Variants in C12orf42 observed in about 807,000 individuals in gnomAD.
C12orf42 encodes the protein uncharacterized protein C12orf42.
C12orf42 carries 25 observed loss-of-function variants against 21.6 expected under a neutral mutation model. The ratio of observed to expected loss-of-function variants is 1.16; its 90% CI spans 0.84 to 1.62. The LOEUF (loss-of-function observed/expected upper bound fraction) is 1.62, where lower values mean the gene tolerates loss of function less well. Ranked by LOEUF, C12orf42 falls within the 40% of genes most tolerant of loss-of-function variation. The pLI is 0.00. For synonymous variants in C12orf42, 174 were observed against 175.0 expected, an observed-to-expected ratio of 0.99 and a Z score of 0.05; for missense variants, 483 against 459.3, an observed-to-expected ratio of 1.05 and a Z score of -0.47.
At chr12:103,263,853 A>T (rs185251807), downstream of C12orf42, among the ~76,000 whole-genome samples, 1 of 152,256 alleles carries the variant, frequency 6.6e-6, no homozygotes, top group East Asian at 1.9e-4. Context: ...TGCTTCATCA[A>T]TATATACACC....
intron 4 of C12orf42, among the ~76,000 whole-genome samples, chr12:103,327,741 C>A (rs1014273482): frequency 6.6e-6 from 1 of 152,074 alleles, no homozygotes; most frequent in African/African-American, 2.4e-5. Context: ...AGTATGCAAG[C>A]CATATTGTTA....
chr12:103,443,223 G>A (rs1402763084), intron 2 of C12orf42, among the ~76,000 whole-genome samples: 1 of 152,118 alleles, frequency 6.6e-6, no homozygotes, highest in African/African-American at 2.4e-5. Flanking sequence ...ACAAGTGCCA[G>A]AAATTTTATG....
chr12:103,415,766 A>G (rs2049265079), intron 2 of C12orf42, among the ~76,000 whole-genome samples: 1 of 152,178 alleles, frequency 6.6e-6, no homozygotes, highest in Non-Finnish European at 1.5e-5. Context: ...AGACTGTAAG[A>G]TATTCATAAT....
At chr12:103,509,456 T>A in the C12orf42 span, among the ~76,000 whole-genome samples, 29 of 151,574 alleles carry the variant, frequency 1.9e-4, no homozygotes, top group African/African-American at 6.8e-4. Context: ...TTAAACAACA[T>A]CCAAAAAAAG....
chr12:103,139,631 C>CA, the C12orf42 span, among the ~76,000 whole-genome samples: 1 of 152,060 alleles, frequency 6.6e-6, no homozygotes, highest in African/African-American at 2.4e-5. Context: ...GAAGCAGCAT[C>CA]AATACACAGA....
At chr12:103,114,015 T>C in the C12orf42 span, among the ~76,000 whole-genome samples, 1 of 152,236 alleles carries the variant, frequency 6.6e-6, no homozygotes, top group Non-Finnish European at 1.5e-5. Flanking sequence ...AGACAATTGG[T>C]TGATTGATTT....
the C12orf42 span, among the ~76,000 whole-genome samples, chr12:103,055,930 T>G: frequency 6.6e-6 from 1 of 152,070 alleles, no homozygotes; most frequent in Non-Finnish European, 1.5e-5. Context: ...CTTTTCTGAA[T>G]TGGTTGAGAT....
At chr12:103,079,586 G>A in the C12orf42 span, among the ~76,000 whole-genome samples, 1 of 152,304 alleles carries the variant, frequency 6.6e-6, no homozygotes, top group South Asian at 2.1e-4. Context: ...AGTCATCTTT[G>A]TCAGTTAGGA....
chr12:103,079,263 T>C, the C12orf42 span, among the ~76,000 whole-genome samples: 1 of 152,172 alleles, frequency 6.6e-6, no homozygotes, highest in Non-Finnish European at 1.5e-5. Context: ...GCACTCATAC[T>C]TGGTCTTGAC....
At chr12:103,291,322 A>G (rs987681737) in intron 4 of C12orf42, among the ~76,000 whole-genome samples, 2 of 152,168 alleles carry the variant, frequency 1.3e-5, no homozygotes, top group Admixed American at 1.3e-4. Flanking sequence ...AATACACCAT[A>G]GAAGTATTGG....
At chr12:103,291,312 A>C (rs946711828) in intron 4 of C12orf42, among the ~76,000 whole-genome samples, 1 of 152,194 alleles carries the variant, frequency 6.6e-6, no homozygotes. Flanking sequence ...AGAGGATAAC[A>C]ATACACCATA....
intron 4 of C12orf42, among the ~76,000 whole-genome samples, chr12:103,312,864 T>C (rs2039099803): frequency 6.6e-6 from 1 of 152,236 alleles, no homozygotes; most frequent in Non-Finnish European, 1.5e-5. Flanking sequence ...AAGCAGTTCA[T>C]GGTAAATCAT....
At chr12:103,336,454 C>G (rs2041705601) in intron 4 of C12orf42, among the ~76,000 whole-genome samples, 1 of 152,172 alleles carries the variant, frequency 6.6e-6, no homozygotes, top group African/African-American at 2.4e-5. Context: ...TCCCTCTAAG[C>G]CTCAGTTTTC....
intron 1 of C12orf42, among the ~76,000 whole-genome samples, chr12:103,492,248 G>A (rs371380276): frequency 1.0e-3 from 157 of 152,286 alleles, no homozygotes; most frequent in African/African-American, 3.3e-3. Flanking sequence ...GTGAGCCACC[G>A]CACCTGGCCC....
At chr12:103,430,513 T>G (rs984669791) in intron 2 of C12orf42, among the ~76,000 whole-genome samples, 1 of 152,178 alleles carries the variant, frequency 6.6e-6, no homozygotes, top group African/African-American at 2.4e-5. Flanking sequence ...ACACTGTTGG[T>G]GGGAGTGTAA....
the C12orf42 span, among the ~76,000 whole-genome samples, chr12:103,065,842 G>T: frequency 2.6e-5 from 4 of 152,214 alleles, no homozygotes; most frequent in Non-Finnish European, 5.9e-5. Context: ...TTCCTCATTT[G>T]GGTGTGTTAC....
the C12orf42 span, among the ~76,000 whole-genome samples, chr12:103,152,084 A>G: frequency 4.6e-5 from 7 of 152,228 alleles, no homozygotes; most frequent in East Asian, 1.9e-4. Context: ...ACCCCAGCCA[A>G]TAGCCAGGAA....
the C12orf42 span, among the ~76,000 whole-genome samples, chr12:103,058,739 A>G: frequency 1.3e-5 from 2 of 152,340 alleles, no homozygotes; most frequent in South Asian, 2.1e-4. Context: ...TACTGGGTAA[A>G]TAACGAAATT....
chr12:103,132,446 T>G, the C12orf42 span, among the ~76,000 whole-genome samples: 3 of 152,072 alleles, frequency 2.0e-5, no homozygotes, highest in Non-Finnish European at 2.9e-5. Flanking sequence ...TCAGCAGGCC[T>G]CATAACTAAC....
Sources: gnomAD v4.1 joint callset for allele counts (sites outside exome capture counted in the v4.1 genomes callset) on GRCh38, gnomAD v4.1.1 for gene constraint, MANE v1.5 for transcripts, NCBI Gene and HGNC (gene_info 2026-07-23, HGNC 2026-07-21) for gene names.